GLIS3: variants seen among roughly 807,000 people sequenced by gnomAD.
GLIS3 encodes the protein GLIS family zinc finger 3.
GLIS3 carries 53 observed loss-of-function variants against 78.6 expected under a neutral mutation model. The observed-to-expected ratio is 0.67, with a 90% CI of 0.54 to 0.85. The LOEUF (loss-of-function observed/expected upper bound fraction) is 0.85, where lower values mean the gene tolerates loss of function less well. Ranked by LOEUF, GLIS3 falls within the 40% of genes least tolerant of loss-of-function variation. The pLI is 0.00. For missense variants in GLIS3, 1,703 were observed against 1,231.1 expected (o/e 1.38, Z -5.74); for synonymous variants, 684 against 509.9 (o/e 1.34, Z -4.60).
At chr9:4,300,796 C>A (rs1427283391), upstream of GLIS3, among the ~76,000 whole-genome samples, 1 of 151,868 alleles carries the variant, frequency 6.6e-6, no homozygotes, top group Admixed American at 6.6e-5. Context: ...CCTAGTAGTT[C>A]ATCACATGTA....
At chr9:4,315,998 G>A (rs1817431608) in intron 2 of GLIS3, among the ~76,000 whole-genome samples, 1 of 152,128 alleles carries the variant, frequency 6.6e-6, no homozygotes, top group South Asian at 2.1e-4. Context: ...ATTACATATT[G>A]TATTTTTAAA....
chr9:3,883,085 C>A (rs951889786), intron 7 of GLIS3, among the ~76,000 whole-genome samples: 1 of 152,068 alleles, frequency 6.6e-6, no homozygotes, highest in African/African-American at 2.4e-5. Flanking sequence ...ATCTCACATA[C>A]CCTTCAAAAA....
At chr9:4,066,971 C>G (rs1827153356) in intron 4 of GLIS3, among the ~76,000 whole-genome samples, 1 of 152,170 alleles carries the variant, frequency 6.6e-6, no homozygotes, top group Admixed American at 6.5e-5. Context: ...ACCAGCAACT[C>G]ACAAACCTGT....
At chr9:4,230,034 A>G (rs1348992398) in intron 2 of GLIS3, among the ~76,000 whole-genome samples, 1 of 152,208 alleles carries the variant, frequency 6.6e-6, no homozygotes, top group Non-Finnish European at 1.5e-5. Flanking sequence ...GGAGACAGCA[A>G]TAAAATAGTT....
At chr9:4,127,059 AG>A (rs1832630294) in intron 2 of GLIS3, among the ~76,000 whole-genome samples, 1 of 152,160 alleles carries the variant, frequency 6.6e-6, no homozygotes, top group African/African-American at 2.4e-5. Context: ...TCTTCCCAAG[AG>A]CCCCCCAAAA....
chr9:3,888,257 A>C (rs1180299755), intron 7 of GLIS3, among the ~76,000 whole-genome samples: 1 of 152,206 alleles, frequency 6.6e-6, no homozygotes, highest in Non-Finnish European at 1.5e-5. Context: ...AGTAAAAAAT[A>C]CTGGGTTCCC....
chr9:3,900,439 G>C (rs149210965), intron 6 of GLIS3, among the ~76,000 whole-genome samples: 63 of 151,376 alleles, frequency 4.2e-4, no homozygotes, highest in African/African-American at 7.0e-4. Context: ...TTTGATTCTA[G>C]AACTTGTCTT....
intron 2 of GLIS3, among the ~76,000 whole-genome samples, chr9:4,139,099 G>C (rs1833617485): frequency 1.3e-5 from 2 of 152,160 alleles, no homozygotes; most frequent in Non-Finnish European, 2.9e-5. Flanking sequence ...ATCTTATTAA[G>C]AAAACAAGTA....
the GLIS3 span, among the ~76,000 whole-genome samples, chr9:4,386,005 T>A: frequency 4.5e-3 from 680 of 152,316 alleles, 3 homozygotes; most frequent in African/African-American, 0.015. Context: ...CCCATCTATT[T>A]ATGGCATCTT....
At chr9:4,073,823 TA>T (rs1297637873) in intron 4 of GLIS3, among the ~76,000 whole-genome samples, 1 of 152,168 alleles carries the variant, frequency 6.6e-6, no homozygotes, top group Non-Finnish European at 1.5e-5. Flanking sequence ...TAAGTAAAAT[TA>T]CGCATGAAAG....
chr9:4,024,190 C>A (rs896039924), intron 4 of GLIS3, among the ~76,000 whole-genome samples: 2 of 152,112 alleles, frequency 1.3e-5, no homozygotes, highest in Non-Finnish European at 2.9e-5. Context: ...CCATGCAACC[C>A]CCCAGTCTGT....
intron 6 of GLIS3, among the ~76,000 whole-genome samples, chr9:3,919,744 GA>G (rs1824750469): frequency 6.6e-6 from 1 of 151,904 alleles, no homozygotes; most frequent in Non-Finnish European, 1.5e-5. Context: ...CAGTTACCAA[GA>G]AAGGGGCTTG....
chr9:4,209,466 C>G (rs745922116), intron 2 of GLIS3, among the ~76,000 whole-genome samples: 1 of 152,162 alleles, frequency 6.6e-6, no homozygotes, highest in Non-Finnish European at 1.5e-5. Context: ...GTGGCAAGAG[C>G]CCATTTGCAG....
chr9:4,078,578 G>A (rs911741017), intron 4 of GLIS3, among the ~76,000 whole-genome samples: 1 of 152,168 alleles, frequency 6.6e-6, no homozygotes, highest in Non-Finnish European at 1.5e-5. Flanking sequence ...TCTACAGATC[G>A]GGCCGCAAAA....
intron 2 of GLIS3, among the ~76,000 whole-genome samples, chr9:4,182,146 T>A (rs1418487704): frequency 6.6e-6 from 1 of 152,222 alleles, no homozygotes; most frequent in Non-Finnish European, 1.5e-5. Flanking sequence ...CGTTTTTTCC[T>A]TTGGGGTTTG....
chr9:4,024,888 G>A (rs1588477033), intron 4 of GLIS3, among the ~76,000 whole-genome samples: 1 of 152,102 alleles, frequency 6.6e-6, no homozygotes, highest in African/African-American at 2.4e-5. Context: ...AATCTCCACA[G>A]GGCAGTAATC....
At chr9:4,224,488 C>G (rs1003446655) in intron 2 of GLIS3, among the ~76,000 whole-genome samples, 1 of 152,144 alleles carries the variant, frequency 6.6e-6, no homozygotes, top group Non-Finnish European at 1.5e-5. Flanking sequence ...TGTGTCTCAT[C>G]ATTAGGAAGA....
intron 2 of GLIS3, among the ~76,000 whole-genome samples, chr9:4,235,631 G>T (rs1013489508): frequency 1.3e-4 from 20 of 152,102 alleles, no homozygotes; most frequent in African/African-American, 3.9e-4. Context: ...TCTTTGGAAC[G>T]AAGGTCTTCT....
intron 4 of GLIS3, among the ~76,000 whole-genome samples, chr9:4,007,943 G>A (rs1821693868): frequency 6.6e-6 from 1 of 151,882 alleles, no homozygotes; most frequent in Non-Finnish European, 1.5e-5. Flanking sequence ...AGATAGCTTG[G>A]GCCCTTGAGC....
Sources: gnomAD v4.1 joint callset for allele counts (sites outside exome capture counted in the v4.1 genomes callset) on GRCh38, gnomAD v4.1.1 for gene constraint, MANE v1.5 for transcripts, NCBI Gene and HGNC (gene_info 2026-07-23, HGNC 2026-07-21) for gene names.